SEMA3E: variants seen among roughly 807,000 people sequenced by gnomAD.
The protein encoded by SEMA3E is semaphorin 3E, also known as semaphorin-3E.
In SEMA3E, 49 loss-of-function variants were observed where a neutral mutation model predicts 93.6. The ratio of observed to expected loss-of-function variants is 0.52; its 90% CI spans 0.42 to 0.66. The LOEUF (loss-of-function observed/expected upper bound fraction) is 0.66. SEMA3E is among the 30% of genes least tolerant of loss of function. The pLI is 0.00. For missense variants in SEMA3E, 906 were observed against 964.8 expected (o/e 0.94, Z 0.81); for synonymous variants, 363 against 330.7 (o/e 1.10, Z -1.06).
At chr7:83,620,199 AATG>A (rs1793522228) in intron 1 of SEMA3E, among the ~76,000 whole-genome samples, 1 of 151,976 alleles carries the variant, frequency 6.6e-6, no homozygotes, top group Admixed American at 6.6e-5. Flanking sequence ...AAAAAATACA[AATG>A]ATGAAAGGAA....
chr7:83,486,844 A>T (rs959253400), intron 2 of SEMA3E, among the ~76,000 whole-genome samples: 6 of 152,034 alleles, frequency 3.9e-5, no homozygotes, highest in African/African-American at 1.4e-4. Context: ...TGTTAATTAT[A>T]TTAGTTAAAA....
chr7:83,648,531 C>T lies in SEMA3E; in HGVS notation c.12G>A (p.Ala4=). The T allele has an allele frequency of 5.0e-6, 8 of 1,613,258 alleles. No homozygotes were observed. Among genetic ancestry groups the T allele is most frequent in the Non-Finnish European group, 6.8e-6 (8 of 1,179,628 alleles). ...ACAGGAGCAAGGTGATAATGTGCCC[C>T]GCGGATGCCATGCTGCCGTGTTCAC... The part of the protein sequence containing the change: MAS[A]GHIITLLLWG... Residue 4 remains alanine, a synonymous_variant, in exon 1 of 17, where the codon GCG becomes GCA. Coordinates refer to ENST00000643230, the MANE Select transcript of SEMA3E (RefSeq NM_012431.3).
intron 3 of SEMA3E, among the ~76,000 whole-genome samples, chr7:83,467,387 C>T (rs776300340): frequency 8.5e-5 from 13 of 152,142 alleles, no homozygotes; most frequent in Non-Finnish European, 1.9e-4. Context: ...GTCTTATATT[C>T]TCACACTCAC....
intron 1 of SEMA3E, among the ~76,000 whole-genome samples, chr7:83,597,086 A>G (rs1455940738): frequency 6.6e-6 from 1 of 152,094 alleles, no homozygotes; most frequent in Non-Finnish European, 1.5e-5. Context: ...ACTAATACTT[A>G]GCTTATAGAA....
intron 1 of SEMA3E, among the ~76,000 whole-genome samples, chr7:83,546,587 T>C (rs758066529): frequency 2.3e-4 from 35 of 152,150 alleles, no homozygotes; most frequent in African/African-American, 6.7e-4. Context: ...TTAGCTGATA[T>C]AGATTTCACT....
At chr7:83,509,498 G>T (rs1179558638) in intron 1 of SEMA3E, among the ~76,000 whole-genome samples, 1 of 152,058 alleles carries the variant, frequency 6.6e-6, no homozygotes, top group African/African-American at 2.4e-5. Context: ...AGGTAATTTG[G>T]TCAAAAATTT....
chr7:83,510,534 C>T (rs1200891036), intron 1 of SEMA3E, among the ~76,000 whole-genome samples: 3 of 152,052 alleles, frequency 2.0e-5, no homozygotes, highest in Non-Finnish European at 4.4e-5. Context: ...CAAACTTTTT[C>T]CTTCAAACAT....
At chr7:83,612,940 A>G (rs950669766) in intron 1 of SEMA3E, among the ~76,000 whole-genome samples, 1 of 151,940 alleles carries the variant, frequency 6.6e-6, no homozygotes, top group African/African-American at 2.4e-5. Flanking sequence ...ACTCATATCC[A>G]TGATTCAGCC....
chr7:83,632,152 T>C (rs1584376793), intron 1 of SEMA3E, among the ~76,000 whole-genome samples: 1 of 141,310 alleles, frequency 7.1e-6, no homozygotes, highest in African/African-American at 2.6e-5. Context: ...TGGAACTCCA[T>C]CTCAAAAAAA....
At chr7:83,452,086 T>C (rs374491492) in intron 4 of SEMA3E, among the ~76,000 whole-genome samples, 2 of 152,060 alleles carry the variant, frequency 1.3e-5, no homozygotes, top group East Asian at 3.9e-4. Context: ...AGGCGGGCAT[T>C]TGAATGAATG....
chr7:83,595,978 A>G (rs1156341930), intron 1 of SEMA3E, among the ~76,000 whole-genome samples: 1 of 152,120 alleles, frequency 6.6e-6, no homozygotes, highest in Admixed American at 6.6e-5. Flanking sequence ...TCTTGCCTGC[A>G]GCAGTTAGTA....
At position 83,364,572 on chromosome 7, in the gene SEMA3E, A is replaced by G. The variant is rs1794638283; in HGVS notation, c.*3014T>C. The G allele has an allele frequency of 6.6e-6, 1 of 152,232 alleles. No individual in the cohort carries two copies. The highest frequency in any genetic ancestry group is 2.4e-5 in the African/African-American group (1 of 41,460). The allele number at this position is 152,232 out of a possible 1,614,324, so 9.4% of individuals were successfully genotyped here. ...AAAAATTAGCAATATAGAATTATAG[A>G]CGTGGAATCACGAAGTAAAATCTTT... On this transcript the variant is annotated 3_prime_UTR_variant, in exon 17 of 17. Coordinates refer to ENST00000643230, the MANE Select transcript of SEMA3E (RefSeq NM_012431.3).
chr7:83,466,502 T>C lies in SEMA3E; in HGVS notation c.436A>G (p.Arg146Gly). The C allele has an allele frequency of 6.2e-7, 1 of 1,614,030 alleles. No individual in the cohort carries two copies. Among genetic ancestry groups the C allele is most frequent in the Non-Finnish European group, 8.5e-7 (1 of 1,179,984 alleles). The change falls in exon 4 of 17, where the codon AGA (arginine) becomes GGA (glycine). Residue 146 changes from arginine to glycine, a missense_variant. Physicochemically the swap from Arg to Gly is moderately radical, Grantham distance 125 (BLOSUM62 -2). Coordinates refer to ENST00000643230, the MANE Select transcript of SEMA3E (RefSeq NM_012431.3). ...GAFDPVCAFI[R>G]VGYHLEDPLF... Reference sequence around the variant, plus strand: ...CTTACCTCCAAATGATATCCAACTCTGATGAAGGCACAAACTGGATCAAAA... The same window carrying C: ...CTTACCTCCAAATGATATCCAACTCCGATGAAGGCACAAACTGGATCAAAA...
chr7:83,569,366 A>G lies in SEMA3E; in HGVS notation c.115+79062T>C, dbSNP rs138664778. On this transcript the variant is annotated intron_variant, in intron 1 of 16. Transcript: ENST00000643230. ...AAAACAACCAGCTAACAACAAAATG[A>G]CAGGATCAAAATTTCACATATCAAT... Among the ~76,000 whole-genome samples the G allele has an allele frequency of 4.6e-5, 7 of 152,258 alleles. 1 individual carries two copies. The highest frequency in any genetic ancestry group is 1.7e-4 in the African/African-American group (7 of 41,558).
At chr7:83,567,615 T>A (rs1243881752) in intron 1 of SEMA3E, among the ~76,000 whole-genome samples, 1 of 152,050 alleles carries the variant, frequency 6.6e-6, no homozygotes, top group Non-Finnish European at 1.5e-5. Flanking sequence ...CTTTGCAAGT[T>A]TTACAAATAC....
chr7:83,420,283 C>T (rs905569205), intron 4 of SEMA3E, among the ~76,000 whole-genome samples: 2 of 152,034 alleles, frequency 1.3e-5, no homozygotes, highest in South Asian at 2.1e-4. Context: ...TAAGGAGATA[C>T]TGCTGCAGAA....
At chr7:83,468,569 G>GA (rs1789823657) in intron 3 of SEMA3E, among the ~76,000 whole-genome samples, 1 of 150,410 alleles carries the variant, frequency 6.6e-6, no homozygotes. Flanking sequence ...TTTTTTAACT[G>GA]AAAAAAAGGT....
chr7:83,541,546 TG>T (rs1484583654), intron 1 of SEMA3E, among the ~76,000 whole-genome samples: 1 of 152,142 alleles, frequency 6.6e-6, no homozygotes, highest in African/African-American at 2.4e-5. Flanking sequence ...TAGAAGTCAC[TG>T]TTAGCTCATC....
At position 83,367,813 on chromosome 7, in the gene SEMA3E, T is replaced by C. The variant is rs1331132922; in HGVS notation, c.2101A>G (p.Ser701Gly). Reference sequence around the variant, plus strand: ...CATGGTTTTGCTCCCTGCGAGATGCTACTCTGAGCAGGACAAGGCATCCTG... The same window carrying C: ...CATGGTTTTGCTCCCTGCGAGATGCCACTCTGAGCAGGACAAGGCATCCTG... Reference protein sequence around the residue: ...HHRMPCPAQSSISQGAKPWYK... With the variant: ...HHRMPCPAQSGISQGAKPWYK... Residue 701 changes from serine to glycine, a missense_variant, in exon 17 of 17, where the codon AGC becomes GGC. Coordinates refer to ENST00000643230, the MANE Select transcript of SEMA3E (RefSeq NM_012431.3). 1 of 1,614,142 alleles carries C rather than the reference T, an allele frequency of 6.2e-7. No homozygotes were observed.
Sources: allele counts gnomAD v4.1 joint callset (sites outside exome capture counted in the v4.1 genomes callset), GRCh38; gene constraint gnomAD v4.1.1; transcripts MANE v1.5; gene names NCBI Gene and HGNC (gene_info 2026-07-23, HGNC 2026-07-21).